MATN2: variants seen among roughly 807,000 people sequenced by gnomAD.
The protein encoded by MATN2 is matrilin-2.
A neutral mutation model predicts 103.2 loss-of-function variants in MATN2; 69 were observed. That is an observed-to-expected ratio of 0.67 (90% CI 0.55 to 0.82). The LOEUF (loss-of-function observed/expected upper bound fraction) is 0.82, where lower values mean the gene tolerates loss of function less well. Ranked by LOEUF, MATN2 falls within the 40% of genes least tolerant of loss-of-function variation. MATN2 has a pLI of 0.00. For missense variants in MATN2, 1,023 were observed against 1,211.5 expected, an observed-to-expected ratio of 0.84 and a Z score of 2.31; for synonymous variants, 429 against 450.2, an observed-to-expected ratio of 0.95 and a Z score of 0.60.
intron 1 of MATN2, among the ~76,000 whole-genome samples, chr8:97,871,839 T>C (rs960140852): frequency 6.6e-6 from 1 of 152,196 alleles, no homozygotes; most frequent in Non-Finnish European, 1.5e-5. Context: ...TTGGTGTTAA[T>C]GACTATGACA....
chr8:97,870,814 T>C (rs1817869618), intron 1 of MATN2, among the ~76,000 whole-genome samples: 2 of 152,154 alleles, frequency 1.3e-5, no homozygotes, highest in African/African-American at 4.8e-5. Flanking sequence ...CCAACATGGG[T>C]TTATGACCTG....
At chr8:98,034,582 T>C (rs1009514835) in intron 18 of MATN2, among the ~76,000 whole-genome samples, 19 of 152,264 alleles carry the variant, frequency 1.2e-4, no homozygotes, top group Admixed American at 6.5e-4. Flanking sequence ...AGAGGGCAGA[T>C]AGAGGGTACT....
intron 10 of MATN2, among the ~76,000 whole-genome samples, chr8:98,012,451 C>A (rs923922136): frequency 2.4e-4 from 36 of 152,008 alleles, no homozygotes; most frequent in African/African-American, 8.0e-4. Flanking sequence ...ATGTTTAATC[C>A]GACACCCAGA....
chr8:97,894,323 C>CTTTT (rs58988866), intron 2 of MATN2, among the ~76,000 whole-genome samples: 7 of 59,234 alleles, frequency 1.2e-4, no homozygotes, highest in African/African-American at 3.8e-4. Flanking sequence ...AAGAATTCAC[C>CTTTT]TTTTTTTTTT....
intron 13 of MATN2, among the ~76,000 whole-genome samples, chr8:98,026,082 G>A (rs138676168): frequency 0.025 from 3,789 of 150,718 alleles, 158 homozygotes; most frequent in African/African-American, 0.087. Context: ...GGGAGGTTGA[G>A]GCAGGAGAAT....
At chr8:97,878,872 G>A (rs1407764826) in intron 1 of MATN2, among the ~76,000 whole-genome samples, 1 of 151,972 alleles carries the variant, frequency 6.6e-6, no homozygotes, top group Non-Finnish European at 1.5e-5. Flanking sequence ...GAAGAAGAAG[G>A]AAGATGTTAT....
chr8:98,029,641 C>T (rs1305735083), intron 14 of MATN2, among the ~76,000 whole-genome samples: 1 of 152,216 alleles, frequency 6.6e-6, no homozygotes, highest in Non-Finnish European at 1.5e-5. Context: ...AGTGACCTTA[C>T]ACAGACTCAG....
At chr8:98,004,521 C>T (rs1293321859) in intron 8 of MATN2, among the ~76,000 whole-genome samples, 7 of 152,116 alleles carry the variant, frequency 4.6e-5, no homozygotes, top group Non-Finnish European at 4.4e-5. Flanking sequence ...AACTAATAGT[C>T]GTATTATTCC....
intron 14 of MATN2, among the ~76,000 whole-genome samples, chr8:98,028,593 CTTT>C (rs201005613): frequency 6.8e-6 from 1 of 146,756 alleles, no homozygotes; most frequent in Non-Finnish European, 1.5e-5. Flanking sequence ...TTGAAAACTG[CTTT>C]TTTTTTTTGA....
intron 5 of MATN2, among the ~76,000 whole-genome samples, chr8:97,968,566 A>T (rs140772610): frequency 4.0e-4 from 61 of 152,318 alleles, no homozygotes; most frequent in African/African-American, 1.4e-3. Flanking sequence ...CATCCCTCTT[A>T]AATTCAAACT....
At chr8:97,903,235 T>C (rs1394584541) in intron 2 of MATN2, among the ~76,000 whole-genome samples, 2 of 147,952 alleles carry the variant, frequency 1.4e-5, no homozygotes, top group East Asian at 3.9e-4. Context: ...CATGCACGCC[T>C]TCACCCACCC....
At chr8:97,911,600 G>A (rs908138527) in intron 2 of MATN2, among the ~76,000 whole-genome samples, 9 of 151,968 alleles carry the variant, frequency 5.9e-5, no homozygotes, top group African/African-American at 1.9e-4. Context: ...CCAGCTACTC[G>A]GGAGGCTGAG....
chr8:98,006,243 T>TA (rs375060395), intron 8 of MATN2, among the ~76,000 whole-genome samples: 7 of 152,036 alleles, frequency 4.6e-5, no homozygotes, highest in Middle Eastern at 3.4e-3. Context: ...ATAATGGGGG[T>TA]AAAAAAAATA....
At position 98,018,025 on chromosome 8, in the gene MATN2, C is replaced by T. The variant is rs763817867; in HGVS notation, c.1728C>T (p.Gly576=). 5.6e-6 allele frequency: 9 copies of T among 1,613,670 alleles called. No homozygotes were observed. The highest frequency in any genetic ancestry group is 7.6e-6 in the Non-Finnish European group (9 of 1,179,730). ...RKDVCQAIDH[G]CEHICVNSDD... ...ATGTCTGCCAAGCTATAGACCATGG[C>T]TGTGAACACATTTGTGTGAACAGTG... The change falls in exon 12 of 19, where the codon GGC becomes GGT. Residue 576 remains glycine (G), a synonymous_variant. Transcript: ENST00000254898.
At chr8:97,891,335 ATTATTTTATT>A (rs1036769037) in intron 2 of MATN2, among the ~76,000 whole-genome samples, 2 of 151,938 alleles carry the variant, frequency 1.3e-5, no homozygotes, top group African/African-American at 4.8e-5. Flanking sequence ...TTTTTATTTT[ATTATTTTATT>A]TTATTTTATT....
chr8:98,034,067 C>T (rs1814145294), intron 18 of MATN2: 2 of 425,890 alleles, frequency 4.7e-6, no homozygotes, highest in Non-Finnish European at 9.4e-6. Flanking sequence ...AAACTCAGTA[C>T]TCCAAACTTT....
intron 5 of MATN2, among the ~76,000 whole-genome samples, chr8:97,967,923 C>G (rs977707053): frequency 6.6e-6 from 1 of 152,248 alleles, no homozygotes; most frequent in Non-Finnish European, 1.5e-5. Flanking sequence ...AGGCTTCACC[C>G]CTGCAGCAGG....
At chr8:97,942,686 G>A (rs1014730928) in intron 4 of MATN2, among the ~76,000 whole-genome samples, 1 of 152,338 alleles carries the variant, frequency 6.6e-6, no homozygotes, top group East Asian at 1.9e-4. Context: ...TTCGTGCAGT[G>A]CATAACTGTT....
rs922926601 is a variant in MATN2 at position 98,005,179 on chromosome 8, G to C, written c.1327+1396G>C. 1.3e-5 allele frequency among the ~76,000 whole-genome samples: 2 copies of C among 152,234 alleles called. No individual in the cohort carries two copies. The highest frequency in any genetic ancestry group is 4.8e-5 in the African/African-American group (2 of 41,460). On this transcript the variant is annotated intron_variant, in intron 8 of 18. Transcript: ENST00000254898. This position sits in a 1 kb window ranked among gnomAD's most constrained non-coding sequence, Gnocchi z 4.6. ...AAGCGTGGCTCCTCCAGTGTCCAGA[G>C]AGAACAAAGTGCCCGGTAAAGGCTT... is the stretch of plus-strand genomic sequence containing the variant.
Sources: gnomAD v4.1 joint callset for allele counts (sites outside exome capture counted in the v4.1 genomes callset) on GRCh38, gnomAD v4.1.1 for gene constraint, Gnocchi (gnomAD v3.1) non-coding constraint, MANE v1.5 for transcripts, NCBI Gene and HGNC (gene_info 2026-07-23, HGNC 2026-07-21) for gene names.